CFAP69: variants seen among roughly 807,000 people sequenced by gnomAD.
CFAP69 encodes cilia- and flagella-associated protein 69.
A neutral mutation model predicts 123.0 loss-of-function variants in CFAP69; 92 were observed. That is an observed-to-expected ratio of 0.75 (90% confidence interval 0.63 to 0.89). The LOEUF (loss-of-function observed/expected upper bound fraction) is 0.89, where lower values mean the gene tolerates loss of function less well. Among genes scored for constraint, CFAP69 ranks in the 40% least tolerant of loss-of-function variants. CFAP69 has a pLI of 0.00. For synonymous variants in CFAP69, 380 were observed against 364.3 expected (o/e 1.04, Z -0.49); for missense variants, 1,067 against 1,096.9 (o/e 0.97, Z 0.39).
At chr7:90,264,104 AATATATATATATATATATATAT>A (rs71104454) in intron 4 of CFAP69, among the ~76,000 whole-genome samples, 587 of 48,894 alleles carry the variant, frequency 0.012, 57 homozygotes, top group African/African-American at 0.04. Context: ...AAAAAAAAAA[AATATATATATATATATATATAT>A]ATATATATAT....
At chr7:90,295,596 T>A (rs1791827444) in intron 15 of CFAP69, among the ~76,000 whole-genome samples, 1 of 152,172 alleles carries the variant, frequency 6.6e-6, no homozygotes, top group South Asian at 2.1e-4. Context: ...CTTCCATGGT[T>A]GCCAGAAGGA....
chr7:90,312,753 G>C (rs905785522), downstream of CFAP69: 1 of 152,122 alleles, frequency 6.6e-6, no homozygotes, highest in East Asian at 1.9e-4. Context: ...ATGCCTACCC[G>C]ATCCTGCCGG....
chr7:90,290,268 G>A (rs1316138675), intron 15 of CFAP69, among the ~76,000 whole-genome samples: 1 of 152,188 alleles, frequency 6.6e-6, no homozygotes, highest in Non-Finnish European at 1.5e-5. Context: ...TACCGATGGT[G>A]TAGTTCCAGT....
intron 5 of CFAP69, among the ~76,000 whole-genome samples, chr7:90,266,850 C>T (rs1351537052): frequency 1.3e-5 from 2 of 152,058 alleles, no homozygotes; most frequent in African/African-American, 4.8e-5. Context: ...GTTTCTACTA[C>T]GTACTAATAA....
intron 1 of CFAP69, among the ~76,000 whole-genome samples, chr7:90,246,039 T>A (rs1001833818): frequency 1.3e-5 from 2 of 152,176 alleles, no homozygotes; most frequent in African/African-American, 4.8e-5. Context: ...CGCTGTTAAA[T>A]TAGAAATTAA....
In CFAP69 at chr7:90,310,083, G is replaced by C; in HGVS notation, c.2671G>C (p.Val891Leu). 1 of 1,610,688 alleles carries C rather than the reference G, an allele frequency of 6.2e-7. No homozygotes were observed. Among genetic ancestry groups the C allele is most frequent in the Non-Finnish European group, 8.5e-7 (1 of 1,177,896 alleles). The change falls in exon 23 of 23, where the codon GTA (valine) becomes CTA (leucine). Residue 891 changes from valine to leucine, a missense_variant. Coordinates refer to ENST00000389297, the MANE Select transcript of CFAP69 (RefSeq NM_001039706.3). ...GCCTTTTTAGGTGCCCTCTGGTGGA[G>C]TAGTAACAGTGGAAAGCACTCCTGC... ...GLNTTVPSGG[V>L]VTVESTPARL...
rs1562846227 is a variant in CFAP69, at chr7:90,259,473, TTTGTTTG to T, written c.246+1313_246+1319del. ...GTTTGTTTTGTTTTGTTTTGGGGTGTTTGTTTGTTTGTTTGTTTGTTTGTTTTTGACA... is the reference window on the plus strand; with the variant it reads ...GTTTGTTTTGTTTTGTTTTGGGGTGTTTTGTTTGTTTGTTTGTTTTTGACA... On this transcript the variant is annotated intron_variant, in intron 3 of 22. Coordinates refer to ENST00000389297, the MANE Select transcript of CFAP69 (RefSeq NM_001039706.3). 4.8e-3 allele frequency among the ~76,000 whole-genome samples: 464 copies of T among 96,386 alleles called. 2 individuals carry two copies. The highest frequency in any genetic ancestry group is 0.015 in the African/African-American group (436 of 29,460). 63.2% of individuals were successfully genotyped at this position (96,386 alleles called of 152,430 possible).
chr7:90,293,499 T>A (rs183135942), intron 15 of CFAP69, among the ~76,000 whole-genome samples: 1 of 152,294 alleles, frequency 6.6e-6, no homozygotes, highest in Admixed American at 6.5e-5. Context: ...TCTTTTACAA[T>A]TTTTTCACAA....
rs149757623 is a variant in CFAP69, at chr7:90,265,831, A to G, written c.433+454A>G. Among the ~76,000 whole-genome samples, 548 of 152,314 alleles carry G rather than the reference A, an allele frequency of 3.6e-3. 4 individuals are homozygous for G. In the East Asian group the frequency reaches 0.04, roughly 11 times the overall value. On this transcript the variant is annotated intron_variant, in intron 5 of 22. Coordinates refer to ENST00000389297, the MANE Select transcript of CFAP69 (RefSeq NM_001039706.3). ...TAAGAACTTCAGCATAATGCACATA[A>G]AGATGCAGATGCCTATATTTTGTAC...
downstream of CFAP69, among the ~76,000 whole-genome samples, chr7:90,313,962 A>C (rs1024542664): frequency 1.2e-4 from 18 of 152,212 alleles, no homozygotes; most frequent in Non-Finnish European, 2.2e-4. Context: ...CACGTCAATG[A>C]CATGTGCCTT....
intron 12 of CFAP69, among the ~76,000 whole-genome samples, chr7:90,280,577 T>C (rs1335015415): frequency 2.0e-5 from 3 of 152,234 alleles, no homozygotes; most frequent in Non-Finnish European, 4.4e-5. Context: ...GATACTGTCT[T>C]AACTACTGAA....
Position 90,304,033 on chromosome 7 carries a change from C to T in CFAP69, c.2115C>T (p.Asn705=). 22 of 1,551,258 alleles carry T rather than the reference C, an allele frequency of 1.4e-5. No homozygotes were observed. The highest frequency in any genetic ancestry group is 1.9e-5 in the Non-Finnish European group (22 of 1,146,710). Residue 705 remains asparagine, a synonymous_variant, in exon 18 of 23, where the codon AAC becomes AAT. Coordinates refer to ENST00000389297, the MANE Select transcript of CFAP69 (RefSeq NM_001039706.3). The part of the protein sequence containing the change: ...EEQKIIPLPA[N]CPSIAVMDVS... ...AAAAAATCATCCCACTGCCTGCTAA[C>T]TGCCCATCTATTGCGGTTATGGATG...
intron 16 of CFAP69, among the ~76,000 whole-genome samples, chr7:90,298,472 C>G (rs1792318899): frequency 6.6e-6 from 1 of 152,144 alleles, no homozygotes; most frequent in Non-Finnish European, 1.5e-5. Context: ...GAGAGAGATT[C>G]TCACACAGAG....
intron 8 of CFAP69, among the ~76,000 whole-genome samples, chr7:90,272,749 A>G (rs1800143118): frequency 6.6e-6 from 1 of 152,072 alleles, no homozygotes; most frequent in South Asian, 2.1e-4. Flanking sequence ...AAGCCTATGT[A>G]GTAAGACCTA....
chr7:90,311,321 T>C (rs1251153228), downstream of CFAP69, among the ~76,000 whole-genome samples: 2 of 152,098 alleles, frequency 1.3e-5, no homozygotes, highest in African/African-American at 4.8e-5. Context: ...ACCTGTTTCT[T>C]AGGAAAATAA....
chr7:90,307,085 A>C lies in CFAP69; in HGVS notation c.2450A>C (p.Lys817Thr). The stretch of plus-strand genomic sequence containing the variant: ...TGCCAAGACATGCAAAATGAACAAA[A>C]AGTATATGCAAAAGTAAGCTACATA... ...QACQDMQNEQ[K>T]VYAKIQATHK... The change falls in exon 20 of 23, where the codon AAA becomes ACA. Residue 817 changes from lysine to threonine, a missense_variant. By Grantham distance (78) the Lys-to-Thr change is moderately conservative. Coordinates refer to ENST00000389297, the MANE Select transcript of CFAP69 (RefSeq NM_001039706.3). 2 of 1,610,254 alleles carry C rather than the reference A, an allele frequency of 1.2e-6. No individual in the cohort carries two copies. Among genetic ancestry groups the C allele is most frequent in the Non-Finnish European group, 1.7e-6 (2 of 1,178,972 alleles).
downstream of CFAP69, among the ~76,000 whole-genome samples, chr7:90,315,312 C>T (rs1794702357): frequency 6.6e-6 from 1 of 152,104 alleles, no homozygotes; most frequent in African/African-American, 2.4e-5. Context: ...CATGAATGTT[C>T]ACTGCAGCAC....
At chr7:90,280,592 C>T (rs1420893294) in intron 12 of CFAP69, among the ~76,000 whole-genome samples, 2 of 152,168 alleles carry the variant, frequency 1.3e-5, no homozygotes, top group Non-Finnish European at 2.9e-5. Flanking sequence ...ACTGAAAATA[C>T]AGTTAGGCTT....
chr7:90,250,235 A>AGAGAGAGAGAGAGAGAGAGAG (rs1267005649), intron 1 of CFAP69, among the ~76,000 whole-genome samples: 1 of 134,264 alleles, frequency 7.4e-6, no homozygotes, highest in Non-Finnish European at 1.6e-5. Context: ...AGAGAGAGAG[A>AGAGAGAGAGAGAGAGAGAGAG]CTCCTTGGTT....
Sources: allele counts gnomAD v4.1 joint callset (sites outside exome capture counted in the v4.1 genomes callset), GRCh38; gene constraint gnomAD v4.1.1; transcripts MANE v1.5; gene names NCBI Gene and HGNC (gene_info 2026-07-23, HGNC 2026-07-21).